PRIM1: variants seen among roughly 807,000 people sequenced by gnomAD.
PRIM1 encodes the protein DNA primase subunit 1.
Under a neutral mutation model 60.2 loss-of-function variants are expected in PRIM1, and 38 were observed. The ratio of observed to expected loss-of-function variants is 0.63; its 90% confidence interval spans 0.49 to 0.83. The LOEUF (loss-of-function observed/expected upper bound fraction) is 0.83, where lower values mean the gene tolerates loss of function less well. PRIM1 is among the 40% of genes least tolerant of loss of function. The probability of loss-of-function intolerance (pLI) is 0.00; values close to 1 mark genes in which losing one functional copy is unlikely to be tolerated. For synonymous variants in PRIM1, 158 were observed against 160.2 expected, an observed-to-expected ratio of 0.99 and a Z score of 0.10; for missense variants, 388 against 506.2, an observed-to-expected ratio of 0.77 and a Z score of 2.24.
At chr12:56,750,913 C>A in intron 2 of PRIM1, 125 bp downstream of exon 2, 3 of 582,610 alleles carry the variant, frequency 5.1e-6, no homozygotes, top group Non-Finnish European at 7.9e-6. Flanking sequence ...ACTTGCCAAA[C>A]AATTAAAAAG....
chr12:56,744,111 C>T lies in PRIM1; in HGVS notation c.592G>A (p.Val198Ile), dbSNP rs755941027. ...TCACTTAGGTGAACTTTCTTTTTAA[C>T]GTCTTGACCACCCTGAAAAATAAAT... ...YLSLVKGGQD[V>I]KKKVHLSEKI... Residue 198 changes from valine (V) to isoleucine (I), a missense_variant, in exon 6 of 13, where the codon GTT becomes ATT. Coordinates refer to ENST00000338193, the MANE Select transcript of PRIM1 (RefSeq NM_000946.3). The T allele has an allele frequency of 3.3e-5, 52 of 1,563,918 alleles. No individual in the cohort carries two copies. The East Asian group carries it at 4.6e-4, about 14-fold the overall frequency.
intron 5 of PRIM1, among the ~76,000 whole-genome samples, chr12:56,745,005 G>T (rs184398041): frequency 2.0e-5 from 3 of 151,932 alleles, no homozygotes; most frequent in Middle Eastern, 3.4e-3. Flanking sequence ...TACTTGGGAG[G>T]CTGAGACAGG....
chr12:56,741,676 T>C (rs1953873196), intron 8 of PRIM1, 70 bp downstream of exon 8: 1 of 1,580,446 alleles, frequency 6.3e-7, no homozygotes, highest in African/African-American at 1.4e-5. Flanking sequence ...TTTAACTGAC[T>C]AGGCAAAGCA....
At chr12:56,748,784 C>T (rs930465160) in intron 2 of PRIM1, among the ~76,000 whole-genome samples, 3 of 151,924 alleles carry the variant, frequency 2.0e-5, no homozygotes, top group South Asian at 2.1e-4. Flanking sequence ...GGCAAAACCC[C>T]GTCTCTACTA....
At chr12:56,749,693 T>C (rs1307230178) in intron 2 of PRIM1, among the ~76,000 whole-genome samples, 2 of 152,190 alleles carry the variant, frequency 1.3e-5, no homozygotes, top group East Asian at 3.8e-4. Flanking sequence ...TTAGAAATTG[T>C]GTGTGAGCTT....
At chr12:56,749,454 C>T (rs915343736) in intron 2 of PRIM1, among the ~76,000 whole-genome samples, 2 of 152,154 alleles carry the variant, frequency 1.3e-5, no homozygotes, top group African/African-American at 2.4e-5. Flanking sequence ...AAAAATGAGA[C>T]GTTTTCTCCC....
In PRIM1 at chr12:56,741,714, A is replaced by G. The variant is rs369525260; in HGVS notation, c.840+32T>C. On this transcript the variant is annotated intron_variant, in intron 8 of 12. Transcript: ENST00000338193. ...CAATTTAATTAAGAATTGCATTATT[A>G]TATCTGTAATACAGATTTCAGTGGC... 79 of 1,597,662 alleles carry G rather than the reference A, an allele frequency of 4.9e-5. 1 individual carries two copies. The African/African-American group carries it at 9.8e-4, about 20-fold the overall frequency.
At chr12:56,732,700 C>CCA (rs1416417473) in intron 12 of PRIM1, among the ~76,000 whole-genome samples, 1 of 152,014 alleles carries the variant, frequency 6.6e-6, no homozygotes, top group African/African-American at 2.4e-5. Context: ...TCCAGAGTAA[C>CCA]TGGATGCTTT....
intron 12 of PRIM1, among the ~76,000 whole-genome samples, chr12:56,732,565 A>C (rs1015111636): frequency 1.4e-4 from 21 of 152,208 alleles, no homozygotes; most frequent in African/African-American, 5.1e-4. Flanking sequence ...GCTTCCTATT[A>C]AGCCCAAAAC....
intron 7 of PRIM1, 32 bp from the exon 8 acceptor site, chr12:56,741,869 G>C: frequency 6.4e-7 from 1 of 1,573,088 alleles, no homozygotes; most frequent in Non-Finnish European, 8.7e-7. Context: ...GACTCATTTA[G>C]GGAACATCAA....
intron 1 of PRIM1, 56 bp downstream of exon 1, chr12:56,752,140 C>T (rs536594080): frequency 1.5e-6 from 2 of 1,307,390 alleles, no homozygotes; most frequent in East Asian, 2.5e-5. Context: ...TCTAAGGACA[C>T]CCCGCCTCCA....
rs760160672 is a variant in PRIM1 at position 56,731,753 on chromosome 12, T to C, written c.1244-19A>G. ...TGTAAATCTAAAATAGAATAGATAA[T>C]ATATGGAAGAACAGCAAAGGAAACA... On this transcript the variant is annotated intron_variant, in intron 12 of 12. Coordinates refer to ENST00000338193, the MANE Select transcript of PRIM1 (RefSeq NM_000946.3). 5 of 1,480,972 alleles carry C rather than the reference T, an allele frequency of 3.4e-6. No individual in the cohort carries two copies. In the East Asian group the frequency reaches 7.4e-5, roughly 22 times the overall value. The allele number at this position is 1,480,972 out of a possible 1,614,324, so 91.7% of individuals were successfully genotyped here. A position where few individuals can be genotyped will look rare whatever the true frequency, so the allele number is the denominator to read the frequency against.
intron 9 of PRIM1, among the ~76,000 whole-genome samples, chr12:56,740,779 T>C (rs1953866907): frequency 6.6e-6 from 1 of 152,072 alleles, no homozygotes. Flanking sequence ...TTTTTGTTTT[T>C]GTCAGTGCTA....
rs1235131913 is a variant in PRIM1 at position 56,739,226 on chromosome 12, T to C, written c.1052+68A>G. The C allele has an allele frequency of 2.5e-6, 3 of 1,221,488 alleles. No individual in the cohort carries two copies. In the African/African-American group the frequency reaches 4.5e-5, roughly 18 times the overall value. 75.7% of individuals were successfully genotyped at this position (1,221,488 alleles called of 1,614,324 possible). ...CATGCAACTACTTCTCTAAGGAGGC[T>C]AATTCAATTTATTTAAAATTCATAA... On this transcript the variant is annotated intron_variant, in intron 10 of 12. Transcript: ENST00000338193.
intron 11 of PRIM1, among the ~76,000 whole-genome samples, chr12:56,734,819 T>C (rs1007373171): frequency 6.9e-6 from 1 of 144,804 alleles, no homozygotes; most frequent in Non-Finnish European, 1.5e-5. Flanking sequence ...ATTTTCTTTT[T>C]TTTTTTTTTT....
intron 12 of PRIM1, among the ~76,000 whole-genome samples, chr12:56,732,133 T>C (rs1252458308): frequency 6.6e-6 from 1 of 152,254 alleles, no homozygotes; most frequent in African/African-American, 2.4e-5. Context: ...CCTTCATCTC[T>C]TGAATAATAT....
chr12:56,751,274 G>T, intron 1 of PRIM1, 79 bp from the exon 2 acceptor site: 5 of 998,818 alleles, frequency 5.0e-6, no homozygotes, highest in East Asian at 3.3e-5. Flanking sequence ...CCAATGAGAA[G>T]TTTTTTTTTT....
At chr12:56,738,559 GT>G (rs1180309612) in intron 10 of PRIM1, 34 bp from the exon 11 acceptor site, 9 of 1,547,522 alleles carry the variant, frequency 5.8e-6, no homozygotes, top group Non-Finnish European at 7.9e-6. Flanking sequence ...TTTTGTTTTT[GT>G]TTTTGTTTTT....
intron 5 of PRIM1, among the ~76,000 whole-genome samples, chr12:56,745,036 C>T (rs1170794074): frequency 4.0e-5 from 6 of 149,682 alleles, no homozygotes; most frequent in Non-Finnish European, 7.4e-5. Context: ...GAACCCGGGA[C>T]GCGGAGGTTG....
Sources: gnomAD v4.1 joint callset for allele counts (sites outside exome capture counted in the v4.1 genomes callset) on GRCh38, gnomAD v4.1.1 for gene constraint, MANE v1.5 for transcripts, NCBI Gene and HGNC (gene_info 2026-07-23, HGNC 2026-07-21) for gene names.